CNTN5: variants seen among roughly 807,000 people sequenced by gnomAD.
CNTN5 encodes contactin 5.
A neutral mutation model predicts 129.1 loss-of-function variants in CNTN5; 77 were observed. That is an observed-to-expected ratio of 0.60 (90% CI 0.50 to 0.72). The LOEUF (loss-of-function observed/expected upper bound fraction) is 0.72, where lower values mean the gene tolerates loss of function less well. Ranked by LOEUF, CNTN5 falls within the 30% of genes least tolerant of loss-of-function variation. CNTN5 has a pLI of 0.00. For missense variants in CNTN5, 1,478 were observed against 1,328.8 expected (o/e 1.11, Z -1.75); for synonymous variants, 509 against 465.6 (o/e 1.09, Z -1.20).
At chr11:99,028,204 T>C in intron 1 of CNTN5, among the ~76,000 whole-genome samples, 1 of 151,868 alleles carries the variant, frequency 6.6e-6, no homozygotes, top group East Asian at 1.9e-4. Flanking sequence ...TTTAAAAATA[T>C]ATGACTGTGT....
intron 23 of CNTN5, among the ~76,000 whole-genome samples, chr11:100,341,424 A>G (rs1029739410): frequency 3.3e-5 from 5 of 152,220 alleles, no homozygotes; most frequent in African/African-American, 1.2e-4. Context: ...AAGGAGTAGG[A>G]AAAGTAGCGA....
intron 3 of CNTN5, among the ~76,000 whole-genome samples, chr11:99,759,791 G>A (rs1174967202): frequency 6.6e-6 from 1 of 151,786 alleles, no homozygotes; most frequent in African/African-American, 2.4e-5. Flanking sequence ...AAGAAAGAAA[G>A]CATTTAAAAG....
At chr11:100,337,041 G>C (rs1952052720) in intron 21 of CNTN5, 1 of 992,694 alleles carries the variant, frequency 1.0e-6, no homozygotes, top group Non-Finnish European at 1.6e-6. Context: ...TTGATGAAGT[G>C]TTCAAAATTG....
chr11:99,440,788 C>T (rs1039981947), intron 2 of CNTN5, among the ~76,000 whole-genome samples: 1 of 152,012 alleles, frequency 6.6e-6, no homozygotes, highest in Non-Finnish European at 1.5e-5. Flanking sequence ...TATGTCCAGG[C>T]TTGGAAGTCA....
intron 7 of CNTN5, among the ~76,000 whole-genome samples, chr11:99,922,719 C>T (rs1421710691): frequency 6.6e-6 from 1 of 152,104 alleles, no homozygotes; most frequent in Non-Finnish European, 1.5e-5. Flanking sequence ...TTATTTTTAT[C>T]TTTCCAAGTA....
intron 1 of CNTN5, among the ~76,000 whole-genome samples, chr11:99,094,037 C>G (rs574074578): frequency 6.6e-6 from 1 of 151,760 alleles, no homozygotes; most frequent in South Asian, 2.1e-4. Context: ...TGATTTCTAC[C>G]CAATTAGATA....
intron 24 of CNTN5, among the ~76,000 whole-genome samples, chr11:100,351,615 A>C (rs2139040494): frequency 6.8e-6 from 1 of 146,998 alleles, no homozygotes; most frequent in South Asian, 2.2e-4. Flanking sequence ...AGGAAGCAAG[A>C]TTTTAGAAAT....
chr11:100,005,826 CAAAG>C (rs1238364334), intron 9 of CNTN5, among the ~76,000 whole-genome samples: 5 of 152,080 alleles, frequency 3.3e-5, no homozygotes, highest in African/African-American at 9.7e-5. Context: ...GAGGGACAAA[CAAAG>C]AAGATCATAA....
At chr11:99,338,075 T>A (rs1314174491) in intron 2 of CNTN5, among the ~76,000 whole-genome samples, 1 of 152,216 alleles carries the variant, frequency 6.6e-6, no homozygotes, top group African/African-American at 2.4e-5. Context: ...TTTCTATATA[T>A]GTCTTTTGGA....
intron 3 of CNTN5, among the ~76,000 whole-genome samples, chr11:99,630,046 T>C (rs1025909789): frequency 1.3e-5 from 2 of 151,706 alleles, no homozygotes; most frequent in Non-Finnish European, 2.9e-5. Context: ...AACAAAACAA[T>C]TGGTAACTCC....
intron 2 of CNTN5, among the ~76,000 whole-genome samples, chr11:99,377,779 T>C (rs569723087): frequency 2.2e-5 from 2 of 91,120 alleles, no homozygotes; most frequent in African/African-American, 7.5e-5. Context: ...ATGTACAGAT[T>C]AGTTCCTCAC....
chr11:99,551,294 G>C (rs959955447), intron 2 of CNTN5, among the ~76,000 whole-genome samples: 1 of 152,082 alleles, frequency 6.6e-6, no homozygotes, highest in Non-Finnish European at 1.5e-5. Flanking sequence ...AAACATTTAA[G>C]GCATATGTGA....
At chr11:99,581,724 G>A (rs1489119762) in intron 3 of CNTN5, among the ~76,000 whole-genome samples, 1 of 152,078 alleles carries the variant, frequency 6.6e-6, no homozygotes, top group Admixed American at 6.5e-5. Flanking sequence ...GACTATGTGT[G>A]TCTCAGCACA....
chr11:99,038,623 C>T (rs922016224), intron 1 of CNTN5, among the ~76,000 whole-genome samples: 12 of 152,048 alleles, frequency 7.9e-5, no homozygotes, highest in African/African-American at 2.4e-4. Context: ...ATTACAAAAA[C>T]AAGGGCAGTA....
chr11:99,135,438 G>T (rs1859168830), intron 1 of CNTN5, among the ~76,000 whole-genome samples: 1 of 152,086 alleles, frequency 6.6e-6, no homozygotes, highest in East Asian at 1.9e-4. Flanking sequence ...CAAGTACAAA[G>T]ACATTACGGT....
At chr11:99,902,194 A>G (rs1949375500) in intron 6 of CNTN5, among the ~76,000 whole-genome samples, 1 of 151,770 alleles carries the variant, frequency 6.6e-6, no homozygotes, top group African/African-American at 2.4e-5. Flanking sequence ...TTAGTGAACC[A>G]GAGCGTGGAT....
At chr11:99,745,258 G>C (rs1379042790) in intron 3 of CNTN5, among the ~76,000 whole-genome samples, 2 of 152,110 alleles carry the variant, frequency 1.3e-5, no homozygotes, top group Non-Finnish European at 2.9e-5. Context: ...CTTTTTAAAT[G>C]CTGGAAGAAA....
intron 2 of CNTN5, among the ~76,000 whole-genome samples, chr11:99,424,778 G>A (rs1943047629): frequency 6.6e-6 from 1 of 152,228 alleles, no homozygotes; most frequent in Non-Finnish European, 1.5e-5. Context: ...GCAGGGACAT[G>A]TTTCAGCCCT....
rs551750266 is a variant in CNTN5 at position 100,026,994 on chromosome 11, T to TA, written c.980+24859dup. 5.3e-5 allele frequency among the ~76,000 whole-genome samples: 8 copies of TA among 152,272 alleles called. No individual in the cohort carries two copies. The South Asian group carries it at 1.7e-3, about 32-fold the overall frequency. On this transcript the variant is annotated intron_variant, in intron 9 of 24. Transcript: ENST00000524871. ...TTTTGTTCCCAGACATTGAAGTTTT[T>TA]ATCTCTAAAATTCTGATTTGGATTT...
Sources: gnomAD v4.1 joint callset for allele counts (sites outside exome capture counted in the v4.1 genomes callset) on GRCh38, gnomAD v4.1.1 for gene constraint, MANE v1.5 for transcripts, NCBI Gene and HGNC (gene_info 2026-07-23, HGNC 2026-07-21) for gene names.